DNAH9: variants seen among roughly 807,000 people sequenced by gnomAD.
DNAH9 encodes the protein DNAH9 variant protein.
In DNAH9, 345 loss-of-function variants were observed where a neutral mutation model predicts 471.6. That is an observed-to-expected ratio of 0.73 (90% CI 0.67 to 0.80). DNAH9 has a LOEUF of 0.80. Among genes scored for constraint, DNAH9 ranks in the 30% least tolerant of loss-of-function variants. The pLI is 0.00. For synonymous variants in DNAH9, 2,093 were observed against 2,123.6 expected (o/e 0.99, Z 0.40); for missense variants, 5,407 against 5,609.2 (o/e 0.96, Z 1.15).
intron 26 of DNAH9, among the ~76,000 whole-genome samples, chr17:11,718,831 TC>T (rs956175737): frequency 6.0e-4 from 91 of 152,286 alleles, no homozygotes; most frequent in African/African-American, 2.1e-3. Context: ...GAGCCTCTGC[TC>T]ACTCACCCCA....
intron 38 of DNAH9, among the ~76,000 whole-genome samples, chr17:11,775,032 C>G (rs528203552): frequency 4.6e-5 from 7 of 152,272 alleles, no homozygotes; most frequent in East Asian, 3.9e-4. Context: ...CAACGCCCCC[C>G]ACCTGCCCTG....
chr17:11,733,860 CAAAAA>C (rs57515310), intron 28 of DNAH9, among the ~76,000 whole-genome samples: 12 of 113,136 alleles, frequency 1.1e-4, no homozygotes, highest in Non-Finnish European at 1.4e-4. Flanking sequence ...GACTCCATCT[CAAAAA>C]AAAAAAAAAA....
chr17:11,637,263 C>T (rs539357749), intron 9 of DNAH9, among the ~76,000 whole-genome samples: 42 of 152,254 alleles, frequency 2.8e-4, no homozygotes, highest in African/African-American at 8.4e-4. Flanking sequence ...TATGATGCTG[C>T]GTGTCAAAAC....
intron 29 of DNAH9, among the ~76,000 whole-genome samples, chr17:11,741,898 C>G (rs2075438129): frequency 1.3e-5 from 2 of 152,106 alleles, no homozygotes; most frequent in Non-Finnish European, 2.9e-5. Flanking sequence ...CCAAGTCTGC[C>G]CCTGCCTGCT....
At position 11,919,064 on chromosome 17, in the gene DNAH9, G is replaced by A. The variant is rs116193413; in HGVS notation, c.11750-4750G>A. ...AAATGACAGTTAAAGTGACAGGCAG[G>A]AAGGGAGGAGGACATCTTTTTCATT... On this transcript the variant is annotated intron_variant, in intron 61 of 68. Coordinates refer to ENST00000262442, the MANE Select transcript of DNAH9 (RefSeq NM_001372.4). Among the ~76,000 whole-genome samples, 874 of 152,254 alleles carry A rather than the reference G, an allele frequency of 5.7e-3. 6 individuals carry two copies. The highest frequency in any genetic ancestry group is 0.031 in the Middle Eastern group (9 of 294).
At chr17:11,636,888 C>A in intron 9 of DNAH9, 104 bp downstream of exon 9, 2 of 1,066,612 alleles carry the variant, frequency 1.9e-6, no homozygotes, top group Non-Finnish European at 1.4e-6. Context: ...TCCATACATT[C>A]TCAAAAAAGA....
intron 62 of DNAH9, among the ~76,000 whole-genome samples, chr17:11,924,195 G>A (rs912979647): frequency 2.6e-5 from 4 of 152,172 alleles, no homozygotes; most frequent in African/African-American, 4.8e-5. Flanking sequence ...ACTTATAAAA[G>A]AAACAGATTC....
intron 33 of DNAH9, among the ~76,000 whole-genome samples, chr17:11,755,985 TA>T (rs1479138673): frequency 6.6e-6 from 1 of 152,076 alleles, no homozygotes; most frequent in Non-Finnish European, 1.5e-5. Context: ...TTTCCCCTTA[TA>T]AAACCATCAG....
intron 38 of DNAH9, among the ~76,000 whole-genome samples, chr17:11,779,582 A>G (rs1448322716): frequency 6.6e-6 from 1 of 152,164 alleles, no homozygotes; most frequent in Non-Finnish European, 1.5e-5. Context: ...AGCTTAATCA[A>G]CCCAAATTAC....
chr17:11,934,141 G>A (rs554366385), intron 65 of DNAH9, 70 bp downstream of exon 65: 21 of 1,502,224 alleles, frequency 1.4e-5, no homozygotes, highest in African/African-American at 8.3e-5. Flanking sequence ...CTCCCACGCC[G>A]ACCTGCACCA....
chr17:11,652,280 CTTTTTTTT>C (rs11450398), intron 13 of DNAH9, among the ~76,000 whole-genome samples: 1 of 79,148 alleles, frequency 1.3e-5, no homozygotes, highest in African/African-American at 5.2e-5. Context: ...TAAGGGTAGG[CTTTTTTTT>C]TTTTTTTTTT....
chr17:11,778,438 G>C (rs769360880), intron 38 of DNAH9, among the ~76,000 whole-genome samples: 1 of 146,226 alleles, frequency 6.8e-6, no homozygotes, highest in Non-Finnish European at 1.5e-5. Flanking sequence ...GAAAAACAAA[G>C]ATGCAAGTTT....
In DNAH9 at chr17:11,793,484, G is replaced by T. The variant is rs1163655536; in HGVS notation, c.8062-19G>T. 2.5e-6 allele frequency: 4 copies of T among 1,591,896 alleles called. No individual in the cohort carries two copies. Among genetic ancestry groups the T allele is most frequent in the Admixed American group, 3.7e-5 (2 of 53,578 alleles). ...GGATGGTTATTAACGTTATTTTTTT[G>T]TGTCTGTTCCCCTTGAAGGGCATTC... On this transcript the variant is annotated intron_variant, in intron 41 of 68. Transcript: ENST00000262442.
chr17:11,939,953 T>C (rs566575189), intron 66 of DNAH9, among the ~76,000 whole-genome samples: 1 of 152,076 alleles, frequency 6.6e-6, no homozygotes, highest in East Asian at 1.9e-4. Context: ...GGACGGATGA[T>C]AGAGGAATAG....
chr17:11,820,842 T>G (rs1970280914), intron 45 of DNAH9, among the ~76,000 whole-genome samples: 1 of 152,224 alleles, frequency 6.6e-6, no homozygotes, highest in Admixed American at 6.5e-5. Context: ...TGAAATTTAT[T>G]TTTCTTTTAA....
At chr17:11,682,786 C>T (rs2074157440) in intron 19 of DNAH9, among the ~76,000 whole-genome samples, 1 of 152,044 alleles carries the variant, frequency 6.6e-6, no homozygotes, top group African/African-American at 2.4e-5. Context: ...CAATGTGCAG[C>T]CAAGTTTGGA....
intron 50 of DNAH9, among the ~76,000 whole-genome samples, chr17:11,863,834 G>A (rs1971944604): frequency 6.6e-6 from 1 of 150,780 alleles, no homozygotes; most frequent in Admixed American, 6.6e-5. Flanking sequence ...ATTCTCTGAT[G>A]GTAGTTTGTA....
intron 30 of DNAH9, among the ~76,000 whole-genome samples, chr17:11,742,651 T>C (rs2150836700): frequency 6.6e-6 from 1 of 152,036 alleles, no homozygotes; most frequent in African/African-American, 2.4e-5. Context: ...ATGAGGAGGG[T>C]TAGGGAAGCA....
Position 11,614,271 on chromosome 17 carries a change from C to T in DNAH9, c.904+2491C>T, listed in dbSNP as rs9915743. Among the ~76,000 whole-genome samples, 746 of 151,528 alleles carry T rather than the reference C, an allele frequency of 4.9e-3. 6 individuals are homozygous for T. Among genetic ancestry groups the T allele is most frequent in the African/African-American group, 0.016 (680 of 41,266 alleles). Reference sequence around the variant, plus strand: ...TATTCTTATTAGGCATGGTCAGGGTCGTTTATTGACCTACTGATGAATTGG... The same window carrying T: ...TATTCTTATTAGGCATGGTCAGGGTTGTTTATTGACCTACTGATGAATTGG... On this transcript the variant is annotated intron_variant, in intron 4 of 68. Transcript: ENST00000262442.
Sources: gnomAD v4.1 joint callset for allele counts (sites outside exome capture counted in the v4.1 genomes callset) on GRCh38, gnomAD v4.1.1 for gene constraint, MANE v1.5 for transcripts, NCBI Gene and HGNC (gene_info 2026-07-23, HGNC 2026-07-21) for gene names.